TAAR5: variants seen among roughly 807,000 people sequenced by gnomAD.
TAAR5 encodes the protein trace amine associated receptor 5, also known as trace amine-associated receptor 5.
TAAR5 carries 27 observed loss-of-function variants against 21.1 expected under a neutral mutation model. The observed-to-expected ratio is 1.28, with a 90% CI of 0.94 to 1.76. The LOEUF is 1.76. Among genes scored for constraint, TAAR5 ranks in the 40% most tolerant of loss-of-function variants. TAAR5 has a pLI of 0.00. For synonymous variants in TAAR5, 203 were observed against 167.5 expected, an observed-to-expected ratio of 1.21 and a Z score of -1.64; for missense variants, 495 against 405.6, an observed-to-expected ratio of 1.22 and a Z score of -1.89.
At chr6:132,605,164 C>A in the TAAR5 span, among the ~76,000 whole-genome samples, 2,872 of 152,358 alleles carry the variant, frequency 0.019, 42 homozygotes, top group Middle Eastern at 0.041. Context: ...CATGCCCAGA[C>A]TGGGCGGAGA....
upstream of TAAR5, among the ~76,000 whole-genome samples, chr6:132,592,015 C>T (rs773619968): frequency 1.3e-5 from 2 of 152,122 alleles, no homozygotes; most frequent in Non-Finnish European, 1.5e-5. Context: ...GTTAACCTTC[C>T]CAAGTTAGGG....
chr6:132,601,032 G>A, the TAAR5 span, among the ~76,000 whole-genome samples: 150 of 129,186 alleles, frequency 1.2e-3, no homozygotes, highest in Middle Eastern at 4.9e-3. Flanking sequence ...AAGGAGGGAA[G>A]GAGGGAAAGA....
the TAAR5 span, among the ~76,000 whole-genome samples, chr6:132,616,457 T>G: frequency 6.6e-6 from 1 of 152,164 alleles, no homozygotes; most frequent in Admixed American, 6.6e-5. Context: ...AGGAAGACAC[T>G]GGACAGAGTT....
chr6:132,611,882 T>C, the TAAR5 span, among the ~76,000 whole-genome samples: 2 of 152,360 alleles, frequency 1.3e-5, no homozygotes, highest in East Asian at 3.9e-4. Flanking sequence ...CCTTTTGTCA[T>C]ACTTTTGCAT....
the TAAR5 span, among the ~76,000 whole-genome samples, chr6:132,604,222 C>A: frequency 6.8e-6 from 1 of 147,956 alleles, no homozygotes; most frequent in African/African-American, 2.5e-5. Flanking sequence ...AGGCTCACTG[C>A]AACCTCTGCC....
Position 132,588,990 on chromosome 6 carries a change from TCTG to T in TAAR5, c.694_696del (p.Gln232del), listed in dbSNP as rs762371630. 1 of 1,614,002 alleles carries T rather than the reference TCTG, an allele frequency of 6.2e-7. No individual in the cohort carries two copies. The highest frequency in any genetic ancestry group is 8.5e-7 in the Non-Finnish European group (1 of 1,179,972). On this transcript the variant is annotated inframe_deletion, in exon 1 of 1. Transcript: ENST00000258034. The stretch of plus-strand genomic sequence containing the variant: ...GCCAGGCTTTTGCTCAATGTGGTAA[TCTG>T]CTGAGCCTGTCTGGTAGCAACCACA...
upstream of TAAR5, among the ~76,000 whole-genome samples, chr6:132,590,393 T>C (rs1344795283): frequency 1.3e-5 from 2 of 152,238 alleles, no homozygotes; most frequent in Non-Finnish European, 2.9e-5. Context: ...TATAACTATT[T>C]GATAGGCAAA....
upstream of TAAR5, among the ~76,000 whole-genome samples, chr6:132,592,002 AC>A (rs1472566216): frequency 2.6e-5 from 4 of 152,178 alleles, no homozygotes; most frequent in African/African-American, 9.7e-5. Flanking sequence ...AGTGCAGATA[AC>A]TGTTAACCTT....
upstream of TAAR5, among the ~76,000 whole-genome samples, chr6:132,592,255 T>C (rs1388119098): frequency 6.6e-6 from 1 of 152,222 alleles, no homozygotes; most frequent in South Asian, 2.1e-4. Flanking sequence ...AGAAACCAAA[T>C]TTGTTTTCAA....
At chr6:132,610,696 T>C in the TAAR5 span, among the ~76,000 whole-genome samples, 22 of 152,334 alleles carry the variant, frequency 1.4e-4, no homozygotes, top group South Asian at 4.3e-3. Flanking sequence ...GGACCTTTTA[T>C]AGAGCTGACT....
chr6:132,603,928 A>C, the TAAR5 span, among the ~76,000 whole-genome samples: 1 of 136,908 alleles, frequency 7.3e-6, no homozygotes, highest in South Asian at 2.3e-4. Flanking sequence ...AAGGTGTTAA[A>C]AGTTGCTAAA....
the TAAR5 span, among the ~76,000 whole-genome samples, chr6:132,614,054 A>G: frequency 7.9e-5 from 12 of 152,368 alleles, no homozygotes; most frequent in Non-Finnish European, 1.5e-4. Context: ...ATGAGCTATT[A>G]GTGTTCCACT....
chr6:132,603,240 C>T, the TAAR5 span, among the ~76,000 whole-genome samples: 1 of 143,850 alleles, frequency 7.0e-6, no homozygotes, highest in Non-Finnish European at 1.5e-5. Context: ...GAGGTCAAGG[C>T]TGTAGTGAGC....
the TAAR5 span, among the ~76,000 whole-genome samples, chr6:132,607,603 T>A: frequency 6.6e-6 from 1 of 152,108 alleles, no homozygotes; most frequent in South Asian, 2.1e-4. Context: ...AACCAGAAAG[T>A]CACTTCAAAT....
Position 132,589,041 on chromosome 6 carries a change from T to C in TAAR5, c.646A>G (p.Ile216Val), listed in dbSNP as rs1330552762. Residue 216 changes from isoleucine to valine, a missense_variant, in exon 1 of 1, where the codon ATC (isoleucine) becomes GTC (valine). By Grantham distance (29) the Ile-to-Val change is conservative. Coordinates refer to ENST00000258034, the MANE Select transcript of TAAR5 (RefSeq NM_003967.3). ...PLFFVPCLIM[I>V]SLYVKIFVVA... is the part of the protein sequence containing the mutation. ...ACAAAGATCTTCACATACAAGCTGATCATAATGAGGCAGGGGACAAAGAAC... is the reference window on the plus strand; with the variant it reads ...ACAAAGATCTTCACATACAAGCTGACCATAATGAGGCAGGGGACAAAGAAC... 4 of 1,614,078 alleles carry C rather than the reference T, an allele frequency of 2.5e-6. No individual in the cohort carries two copies. Among genetic ancestry groups the C allele is most frequent in the Non-Finnish European group, 2.5e-6 (3 of 1,179,996 alleles).
At position 132,589,267 on chromosome 6, in the gene TAAR5, C is replaced by G. The variant is rs142165413; in HGVS notation, c.420G>C (p.Leu140=). The G allele has an allele frequency of 1.2e-3, 1,921 of 1,609,778 alleles. 16 individuals carry two copies. In the African/African-American group the frequency reaches 0.021, roughly 18 times the overall value. The part of the protein sequence containing the change: ...IDRHCAICDP[L]LYPSKFTVRV... The stretch of plus-strand genomic sequence containing the variant: ...TCACTGTGAACTTGGAGGGATAGAG[C>G]AGGGGGTCACAGATGGCACAGTGGC... The change falls in exon 1 of 1, where the codon CTG becomes CTC. Residue 140 remains leucine, a synonymous_variant. Transcript: ENST00000258034.
At chr6:132,615,722 A>AAC in the TAAR5 span, among the ~76,000 whole-genome samples, 1 of 152,142 alleles carries the variant, frequency 6.6e-6, no homozygotes, top group Non-Finnish European at 1.5e-5. Flanking sequence ...TGAAACATAA[A>AAC]AGGACATTGA....
chr6:132,588,759 G>C lies in TAAR5; in HGVS notation c.928C>G (p.Gln310Glu). 2 of 1,614,012 alleles carry C rather than the reference G, an allele frequency of 1.2e-6. No individual in the cohort carries two copies. Residue 310 changes from glutamine (Q) to glutamate (E), a missense_variant, in exon 1 of 1, where the codon CAG becomes GAG. By Grantham distance (29) the Gln-to-Glu change is conservative (BLOSUM62 2). Transcript: ENST00000258034. ...AGTTTCAGTGCCTTCCGAAACCACTGGTAGGAAAAGACATAGATGATGGGG... is the reference window on the plus strand; with the variant it reads ...AGTTTCAGTGCCTTCCGAAACCACTCGTAGGAAAAGACATAGATGATGGGG... The part of the protein sequence containing the change: ...CNPIIYVFSY[Q>E]WFRKALKLTL...
the TAAR5 span, among the ~76,000 whole-genome samples, chr6:132,610,601 G>A: frequency 4.6e-5 from 7 of 152,106 alleles, no homozygotes; most frequent in African/African-American, 1.4e-4. Flanking sequence ...TCACCTCGTT[G>A]TGATAAAAGA....
Sources: allele counts gnomAD v4.1 joint callset (sites outside exome capture counted in the v4.1 genomes callset), GRCh38; gene constraint gnomAD v4.1.1; transcripts MANE v1.5; gene names NCBI Gene and HGNC (gene_info 2026-07-23, HGNC 2026-07-21).